Variants in FXYD3 observed in about 807,000 individuals in gnomAD.
FXYD3 encodes FXYD domain-containing ion transport regulator 3.
A neutral mutation model predicts 19.2 loss-of-function variants in FXYD3; 13 were observed. The ratio of observed to expected loss-of-function variants is 0.68; its 90% CI spans 0.44 to 1.08. The LOEUF is 1.08. Among genes scored for constraint, FXYD3 ranks in the 50% least tolerant of loss-of-function variants. FXYD3 has a pLI of 0.00. For synonymous variants in FXYD3, 48 were observed against 38.9 expected, an observed-to-expected ratio of 1.23 and a Z score of -0.87; for missense variants, 101 against 109.4, an observed-to-expected ratio of 0.92 and a Z score of 0.34.
At chr19:35,119,303 A>G in intron 2 of FXYD3, 60 bp from the exon 3 acceptor site, 1 of 1,607,302 alleles carries the variant, frequency 6.2e-7, no homozygotes, top group Admixed American at 1.7e-5. Context: ...GGGGAGCCAC[A>G]GGCACAGGGC....
chr19:35,118,670 G>A, intron 2 of FXYD3: 1 of 705,386 alleles, frequency 1.4e-6, no homozygotes, highest in Non-Finnish European at 1.8e-6. Context: ...GGGCATGGGT[G>A]TGGGATGAGG....
rs2064876742 is a variant in FXYD3 at position 35,115,970 on chromosome 19, C to G, written c.-111+11C>G. The G allele has an allele frequency of 6.6e-6, 1 of 152,362 alleles. No individual in the cohort carries two copies. Among genetic ancestry groups the G allele is most frequent in the Non-Finnish European group, 1.5e-5 (1 of 68,168 alleles). 9.4% of individuals were successfully genotyped at this position (152,362 alleles called of 1,614,324 possible). ...AGGAAAAGAAGTGAGGTCGGAACACCAACGCATCATCTCACTGCATGGCCC... is the reference window on the plus strand; with the variant it reads ...AGGAAAAGAAGTGAGGTCGGAACACGAACGCATCATCTCACTGCATGGCCC... On this transcript the variant is annotated intron_variant, in intron 1 of 8. Coordinates refer to ENST00000604404, the MANE Select transcript of FXYD3 (RefSeq NM_005971.4).
intron 8 of FXYD3, 35 bp downstream of exon 8, chr19:35,123,343 G>C: frequency 6.2e-7 from 1 of 1,604,004 alleles, no homozygotes; most frequent in Non-Finnish European, 8.5e-7. Context: ...AGGGGAACAC[G>C]GAAGTGGTGT....
intron 7 of FXYD3, 87 bp downstream of exon 7, chr19:35,123,041 C>T (rs140306410): frequency 4.7e-6 from 7 of 1,485,676 alleles, no homozygotes; most frequent in African/African-American, 4.2e-5. Context: ...GGAGAGGCCT[C>T]GGGGCTCTGC....
At chr19:35,117,650 C>T (rs1383268503) in intron 2 of FXYD3, among the ~76,000 whole-genome samples, 1 of 151,424 alleles carries the variant, frequency 6.6e-6, no homozygotes, top group African/African-American at 2.4e-5. Context: ...AACATGCCAT[C>T]CTGCCCACCC....
rs773223877 is a variant in FXYD3, at chr19:35,123,266, CT to C, written c.210-3del. On this transcript the variant is annotated splice_region_variant and splice_polypyrimidine_tract_variant and intron_variant, in intron 7 of 8. Coordinates refer to ENST00000604404, the MANE Select transcript of FXYD3 (RefSeq NM_005971.4). The stretch of plus-strand genomic sequence containing the variant: ...ACACCAATCTCACCACTTTTGTCTC[CT>C]TAGTCACCATCCAGGGGAGACTCCA... 3 of 1,592,524 alleles carry C rather than the reference CT, an allele frequency of 1.9e-6. No homozygotes were observed. In the South Asian group the frequency reaches 3.4e-5, roughly 18 times the overall value.
In FXYD3 at chr19:35,119,790, C is replaced by T. The variant is rs576980118; in HGVS notation, c.40+374C>T. 43 of 237,910 alleles carry T rather than the reference C, an allele frequency of 1.8e-4. No individual in the cohort carries two copies. The South Asian group carries it at 3.0e-3, about 17-fold the overall frequency. 14.7% of individuals were successfully genotyped at this position (237,910 alleles called of 1,614,324 possible). On this transcript the variant is annotated intron_variant, in intron 3 of 8. Coordinates refer to ENST00000604404, the MANE Select transcript of FXYD3 (RefSeq NM_005971.4). ...GGGTCAAGCGATCCTACTCTCTTAGCCTCCTACACAGCTAGAATGCCAGGC... is the reference window on the plus strand; with the variant it reads ...GGGTCAAGCGATCCTACTCTCTTAGTCTCCTACACAGCTAGAATGCCAGGC...
intron 2 of FXYD3, chr19:35,118,603 G>C: frequency 1.0e-6 from 1 of 997,066 alleles, no homozygotes. Context: ...GCCTAGGGTA[G>C]GGTCAGGGGC....
At chr19:35,119,497 T>G in intron 3 of FXYD3, 81 bp downstream of exon 3, 2 of 1,297,096 alleles carry the variant, frequency 1.5e-6, no homozygotes, top group Non-Finnish European at 2.2e-6. Flanking sequence ...TCCTGTGCTT[T>G]TCTACCTCCC....
intron 8 of FXYD3, 52 bp downstream of exon 8, chr19:35,123,360 G>T (rs749253055): frequency 3.7e-5 from 59 of 1,610,144 alleles, no homozygotes; most frequent in Admixed American, 2.8e-4. Context: ...GTGTGTGTGT[G>T]TGTGTGTATG....
chr19:35,118,655 G>A (rs1320799585), intron 2 of FXYD3: 14 of 846,870 alleles, frequency 1.7e-5, no homozygotes, highest in Middle Eastern at 1.2e-3. Flanking sequence ...GGCTGGGACC[G>A]GGAAGGGCAT....
At chr19:35,118,493 A>C in intron 2 of FXYD3, 3 of 989,004 alleles carry the variant, frequency 3.0e-6, no homozygotes, top group Non-Finnish European at 3.6e-6. Flanking sequence ...AGAGGGCAGG[A>C]CTGATGCCAG....
chr19:35,123,356 G>GTA, intron 8 of FXYD3, 48 bp downstream of exon 8: 1 of 1,610,900 alleles, frequency 6.2e-7, no homozygotes, highest in Non-Finnish European at 8.5e-7. Context: ...AGTGGTGTGT[G>GTA]TGTGTGTGTG....
intron 3 of FXYD3, chr19:35,119,761 C>T (rs1335336559): frequency 1.2e-5 from 4 of 333,588 alleles, no homozygotes; most frequent in African/African-American, 8.6e-5. Flanking sequence ...GCCTTGAACT[C>T]CTGGGGTCAA....
At chr19:35,120,883 C>T (rs1023646269) in intron 3 of FXYD3, among the ~76,000 whole-genome samples, 195 bp from the exon 4 acceptor site, 18 of 152,210 alleles carry the variant, frequency 1.2e-4, no homozygotes, top group African/African-American at 2.4e-5. Context: ...TGGCGTGACT[C>T]GGAGGTGTGG....
At chr19:35,117,276 A>G (rs529202039) in intron 2 of FXYD3, 15 of 1,503,204 alleles carry the variant, frequency 1.0e-5, no homozygotes, top group Non-Finnish European at 1.3e-5. Context: ...CGAGGAGGAT[A>G]CCATCTGTCA....
chr19:35,116,771 G>A (rs1432574838), intron 2 of FXYD3: 1 of 984,426 alleles, frequency 1.0e-6, no homozygotes, highest in Non-Finnish European at 1.2e-6. Flanking sequence ...GGGTGGACTC[G>A]GGGTGTCCAG....
chr19:35,120,623 G>C, intron 3 of FXYD3, among the ~76,000 whole-genome samples: 1 of 152,218 alleles, frequency 6.6e-6, no homozygotes, highest in East Asian at 1.9e-4. Flanking sequence ...GTGTATAATA[G>C]TGAGTCATTT....
chr19:35,122,853 C>T lies in FXYD3; in HGVS notation c.172+14C>T, dbSNP rs2065074361. On this transcript the variant is annotated intron_variant, in intron 6 of 8. Transcript: ENST00000604404. ...TCATCGTCATGAGTGAGTGGAGGAGCTCGGGGGAGCAGGCGGGCCGGGGCT... is the reference window on the plus strand; with the variant it reads ...TCATCGTCATGAGTGAGTGGAGGAGTTCGGGGGAGCAGGCGGGCCGGGGCT... 1.2e-6 allele frequency: 2 copies of T among 1,613,850 alleles called. No individual in the cohort carries two copies. Among genetic ancestry groups the T allele is most frequent in the African/African-American group, 1.3e-5 (1 of 75,042 alleles).
Sources: allele counts gnomAD v4.1 joint callset (sites outside exome capture counted in the v4.1 genomes callset), GRCh38; gene constraint gnomAD v4.1.1; transcripts MANE v1.5; gene names NCBI Gene and HGNC (gene_info 2026-07-23, HGNC 2026-07-21).